RIMS1: variants seen among roughly 807,000 people sequenced by gnomAD.
RIMS1 encodes the protein regulating synaptic membrane exocytosis 1.
In RIMS1, 83 loss-of-function variants were observed where a neutral mutation model predicts 214.1. The ratio of observed to expected loss-of-function variants is 0.39; its 90% confidence interval spans 0.32 to 0.47. RIMS1 has a LOEUF of 0.47. RIMS1 is among the 20% of genes least tolerant of loss of function. The probability of loss-of-function intolerance (pLI) is 0.99; values close to 1 mark genes in which losing one functional copy is unlikely to be tolerated. For missense variants in RIMS1, 2,050 were observed against 2,161.8 expected, an observed-to-expected ratio of 0.95 and a Z score of 1.03; for synonymous variants, 793 against 786.8, an observed-to-expected ratio of 1.01 and a Z score of -0.13.
rs537732422 is a variant in RIMS1 at position 72,130,920 on chromosome 6, C to A, written c.471+30934C>A. On this transcript the variant is annotated intron_variant, in intron 4 of 33. Transcript: ENST00000521978. ...TATCAAAAAGCCTTGAGAGACTCCC[C>A]AAAACAGGAAATATTCTATCTTGTT... 5.3e-4 allele frequency among the ~76,000 whole-genome samples: 80 copies of A among 152,020 alleles called. 1 individual carries two copies. In the South Asian group the frequency reaches 0.016, roughly 30 times the overall value.
At chr6:72,132,489 T>C (rs2040600255) in intron 4 of RIMS1, among the ~76,000 whole-genome samples, 1 of 152,170 alleles carries the variant, frequency 6.6e-6, no homozygotes, top group African/African-American at 2.4e-5. Context: ...GGGTACATAA[T>C]ATTATTGTAG....
chr6:72,378,558 A>T (rs2098431582), intron 29 of RIMS1, among the ~76,000 whole-genome samples: 1 of 152,206 alleles, frequency 6.6e-6, no homozygotes, highest in Admixed American at 6.5e-5. Context: ...GGGCAGGTGT[A>T]GTGGCTTATG....
intron 2 of RIMS1, among the ~76,000 whole-genome samples, chr6:71,996,946 TGTA>T (rs1338559526): frequency 1.3e-5 from 2 of 152,222 alleles, no homozygotes; most frequent in South Asian, 2.1e-4. Flanking sequence ...ACTAATCAGA[TGTA>T]GTAACTGCTC....
chr6:72,390,371 C>T (rs2098683182), intron 29 of RIMS1, among the ~76,000 whole-genome samples: 1 of 152,310 alleles, frequency 6.6e-6, no homozygotes, highest in East Asian at 1.9e-4. Context: ...GAGATTTAGG[C>T]AGTCACTGAA....
rs1222041993 is a variant in RIMS1 at position 72,265,990 on chromosome 6, G to A, written c.3339G>A (p.Arg1113=). The A allele has an allele frequency of 6.3e-7, 1 of 1,583,254 alleles. No homozygotes were observed. The highest frequency in any genetic ancestry group is 8.6e-7 in the Non-Finnish European group (1 of 1,163,352). ...SELQPFLDRA[R]SASTNCLRPD... ...TGCAGCCCTTTCTTGACAGGGCTAG[G>A]AGTGCTAGTACCAACTGCTTGAGAC... Residue 1113 remains arginine, a synonymous_variant, in exon 22 of 34, where the codon AGG becomes AGA. Coordinates refer to ENST00000521978, the MANE Select transcript of RIMS1 (RefSeq NM_014989.7).
chr6:71,894,484 C>G (rs1771021444), intron 1 of RIMS1, among the ~76,000 whole-genome samples: 1 of 152,042 alleles, frequency 6.6e-6, no homozygotes, highest in African/African-American at 2.4e-5. Flanking sequence ...TTTATGGAAT[C>G]TCAACAGAAT....
intron 22 of RIMS1, among the ~76,000 whole-genome samples, chr6:72,273,841 C>G (rs774276788): frequency 6.6e-6 from 1 of 152,174 alleles, no homozygotes; most frequent in Non-Finnish European, 1.5e-5. Flanking sequence ...CACTGAAGAA[C>G]ACTTTTATTT....
chr6:72,097,479 T>A (rs1166344309), intron 3 of RIMS1, among the ~76,000 whole-genome samples: 1 of 152,224 alleles, frequency 6.6e-6, no homozygotes, highest in Non-Finnish European at 1.5e-5. Flanking sequence ...ATTATAAAAC[T>A]CTTGAAAGTT....
intron 2 of RIMS1, among the ~76,000 whole-genome samples, chr6:72,023,489 T>A (rs555693759): frequency 6.6e-6 from 1 of 152,074 alleles, no homozygotes; most frequent in East Asian, 1.9e-4. Flanking sequence ...TACATATATT[T>A]CCTGTAGGAA....
chr6:71,954,648 C>T (rs118117783), intron 1 of RIMS1, among the ~76,000 whole-genome samples: 2 of 151,508 alleles, frequency 1.3e-5, no homozygotes, highest in East Asian at 3.9e-4. Flanking sequence ...ATGACATATC[C>T]TTAAATTAGT....
At chr6:72,246,735 A>G (rs185543313) in intron 11 of RIMS1, among the ~76,000 whole-genome samples, 35 of 152,314 alleles carry the variant, frequency 2.3e-4, no homozygotes, top group African/African-American at 7.7e-4. Context: ...CTGGTGACCA[A>G]TACAAAGAGG....
At chr6:72,207,042 T>G (rs143639189) in intron 6 of RIMS1, among the ~76,000 whole-genome samples, 1 of 152,178 alleles carries the variant, frequency 6.6e-6, no homozygotes, top group Non-Finnish European at 1.5e-5. Flanking sequence ...TTAAGAAAAA[T>G]TTTTGAAAAT....
intron 4 of RIMS1, among the ~76,000 whole-genome samples, chr6:72,164,192 A>G (rs1411914097): frequency 1.3e-5 from 2 of 152,146 alleles, no homozygotes; most frequent in Non-Finnish European, 2.9e-5. Context: ...CTCCGAGCCA[A>G]GTGCAGGATA....
At chr6:72,172,565 A>G (rs1225387089) in intron 4 of RIMS1, among the ~76,000 whole-genome samples, 2 of 151,964 alleles carry the variant, frequency 1.3e-5, no homozygotes, top group Admixed American at 6.6e-5. Context: ...CAAAATCTCT[A>G]TTTTGTTTCT....
At chr6:71,970,909 G>A (rs1046536317) in intron 2 of RIMS1, among the ~76,000 whole-genome samples, 6 of 152,120 alleles carry the variant, frequency 3.9e-5, no homozygotes, top group African/African-American at 1.4e-4. Flanking sequence ...AAATTGGGAG[G>A]GGGTAATTGA....
Position 72,392,360 on chromosome 6 carries a change from A to G in RIMS1, c.4506-338A>G, listed in dbSNP as rs1273111990. On this transcript the variant is annotated intron_variant, in intron 30 of 33. Coordinates refer to ENST00000521978, the MANE Select transcript of RIMS1 (RefSeq NM_014989.7). ...GAATGTTACCTAATGTTCATGAGCA[A>G]GTATCTGTGTGAAGTTTATGATATA... is the stretch of plus-strand genomic sequence containing the variant. 2.6e-5 allele frequency among the ~76,000 whole-genome samples: 4 copies of G among 152,338 alleles called. No individual in the cohort carries two copies. The East Asian group carries it at 5.8e-4, about 22-fold the overall frequency.
intron 29 of RIMS1, among the ~76,000 whole-genome samples, chr6:72,343,374 A>T (rs2097157833): frequency 6.7e-6 from 1 of 150,130 alleles, no homozygotes; most frequent in Non-Finnish European, 1.5e-5. Context: ...CATGCATATT[A>T]TTATTATTAT....
At chr6:72,073,446 A>G (rs974312022) in intron 2 of RIMS1, among the ~76,000 whole-genome samples, 1 of 152,228 alleles carries the variant, frequency 6.6e-6, no homozygotes. Flanking sequence ...TTCCACTGAG[A>G]TGAATTCAAA....
At chr6:72,325,591 A>G (rs2096419591) in intron 28 of RIMS1, among the ~76,000 whole-genome samples, 1 of 151,746 alleles carries the variant, frequency 6.6e-6, no homozygotes, top group African/African-American at 2.4e-5. Flanking sequence ...AAATGCCATC[A>G]ATGTAATATA....
Sources: gnomAD v4.1 joint callset for allele counts (sites outside exome capture counted in the v4.1 genomes callset) on GRCh38, gnomAD v4.1.1 for gene constraint, MANE v1.5 for transcripts, NCBI Gene and HGNC (gene_info 2026-07-23, HGNC 2026-07-21) for gene names.